The following FNBP1 variants were observed in gnomAD, a reference collection of about 807,000 sequenced individuals.
The protein encoded by FNBP1 is formin binding protein 1, also known as formin-binding protein 1.
In FNBP1, 26 loss-of-function variants were observed where a neutral mutation model predicts 90.6. The observed-to-expected ratio is 0.29, with a 90% CI of 0.21 to 0.40. The LOEUF is 0.40. FNBP1 is among the 10% of genes least tolerant of loss of function. FNBP1 has a pLI of 1.00. For missense variants in FNBP1, 635 were observed against 768.0 expected (o/e 0.83, Z 2.05); for synonymous variants, 260 against 265.2 (o/e 0.98, Z 0.19).
Position 129,966,732 on chromosome 9 carries a change from AAACAACAACAACAAC to A in FNBP1, c.346-8194_346-8180del, listed in dbSNP as rs550427768. 2.0e-5 allele frequency among the ~76,000 whole-genome samples: 3 copies of A among 151,248 alleles called. No individual in the cohort carries two copies. Among genetic ancestry groups the A allele is most frequent in the South Asian group, 4.2e-4 (2 of 4,770 alleles). ...TGGGTGATGGAGCGAGACTCCGTCT[AAACAACAACAACAAC>A]AACAACAACAACAACAAAAGAAAGG... On this transcript the variant is annotated intron_variant, in intron 4 of 16. Coordinates refer to ENST00000446176, the MANE Select transcript of FNBP1 (RefSeq NM_015033.3). This position sits in a 1 kb window ranked among gnomAD's most constrained non-coding sequence, Gnocchi z 4.3.
At chr9:129,924,878 G>C (rs554374697) in intron 9 of FNBP1, 82 bp downstream of exon 9, 4 of 1,188,608 alleles carry the variant, frequency 3.4e-6, no homozygotes, top group Non-Finnish European at 4.7e-6. Context: ...TACAGGTTTA[G>C]GATCTTAGTT....
intron 8 of FNBP1, 36 bp downstream of exon 8, chr9:129,927,159 A>G: frequency 6.2e-7 from 1 of 1,607,548 alleles, no homozygotes; most frequent in Middle Eastern, 1.7e-4. Context: ...TGGATCTGCA[A>G]ATAGTTATCA....
intron 12 of FNBP1, among the ~76,000 whole-genome samples, chr9:129,907,535 T>C (rs2038337130): frequency 6.6e-6 from 1 of 151,834 alleles, no homozygotes; most frequent in Admixed American, 6.6e-5. Context: ...TGGAATGCAG[T>C]GGTATACCTC....
intron 1 of FNBP1, among the ~76,000 whole-genome samples, chr9:130,035,801 C>A (rs945865238): frequency 1.3e-5 from 2 of 152,080 alleles, no homozygotes; most frequent in African/African-American, 4.8e-5. Context: ...ACAAAATTAG[C>A]CAGGCGTGGT....
At position 129,976,272 on chromosome 9, in the gene FNBP1, C is replaced by T. The variant is rs926828310; in HGVS notation, c.345+2193G>A. On this transcript the variant is annotated intron_variant, in intron 4 of 16. Coordinates refer to ENST00000446176, the MANE Select transcript of FNBP1 (RefSeq NM_015033.3). The stretch of plus-strand genomic sequence containing the variant: ...TATTGTAGGAGGCTTAGCTGCCTCC[C>T]TGGCCTCTTCTCTCTAGATACCAGT... 3.9e-5 allele frequency among the ~76,000 whole-genome samples: 6 copies of T among 152,146 alleles called. No individual in the cohort carries two copies. In the East Asian group the frequency reaches 5.8e-4, roughly 15 times the overall value.
intron 11 of FNBP1, among the ~76,000 whole-genome samples, chr9:129,910,504 A>AGAAAG (rs1554771988): frequency 9.6e-6 from 1 of 104,058 alleles, no homozygotes; most frequent in Non-Finnish European, 1.8e-5. Context: ...AAAAAAAAAA[A>AGAAAG]AGAGAGAGAG....
At chr9:129,928,247 G>A (rs2042206545) in intron 7 of FNBP1, among the ~76,000 whole-genome samples, 1 of 152,224 alleles carries the variant, frequency 6.6e-6, no homozygotes, top group Non-Finnish European at 1.5e-5. Flanking sequence ...AGAAAGAACT[G>A]TCATTTGTTT....
chr9:129,999,620 G>C (rs2054542208), intron 1 of FNBP1, among the ~76,000 whole-genome samples: 2 of 151,516 alleles, frequency 1.3e-5, no homozygotes, highest in East Asian at 1.9e-4. Context: ...AAATCATTGA[G>C]AATTCCGAAG....
intron 6 of FNBP1, among the ~76,000 whole-genome samples, chr9:129,943,171 G>C (rs2132385068): frequency 6.6e-6 from 1 of 152,074 alleles, no homozygotes; most frequent in African/African-American, 2.4e-5. Context: ...TATCCTTCAG[G>C]TTCAAGTCCT....
At chr9:129,941,215 C>T (rs1449034290) in intron 6 of FNBP1, among the ~76,000 whole-genome samples, 2 of 151,440 alleles carry the variant, frequency 1.3e-5, no homozygotes, top group Non-Finnish European at 2.9e-5. Context: ...ATGGTGAAAC[C>T]CTGCTTCTAC....
intron 6 of FNBP1, among the ~76,000 whole-genome samples, chr9:129,943,773 A>T (rs1352312179): frequency 6.6e-6 from 1 of 151,944 alleles, no homozygotes; most frequent in East Asian, 2.0e-4. Flanking sequence ...TGGGAGGATC[A>T]CGAGGTCAGG....
chr9:130,005,584 G>C (rs547140166), intron 1 of FNBP1, among the ~76,000 whole-genome samples: 1 of 152,128 alleles, frequency 6.6e-6, no homozygotes, highest in East Asian at 1.9e-4. Context: ...CTTGTGATCT[G>C]CCCACCTCAG....
At chr9:130,036,305 G>C (rs1453602947) in intron 1 of FNBP1, among the ~76,000 whole-genome samples, 1 of 152,196 alleles carries the variant, frequency 6.6e-6, no homozygotes, top group African/African-American at 2.4e-5. Flanking sequence ...TAGCTGCTTA[G>C]TGGGTGATAC....
chr9:129,898,632 G>A (rs2036247781), intron 15 of FNBP1, among the ~76,000 whole-genome samples: 1 of 152,128 alleles, frequency 6.6e-6, no homozygotes. Context: ...TGGAATTACA[G>A]GCATGCGCTA....
intron 15 of FNBP1, among the ~76,000 whole-genome samples, chr9:129,896,927 G>A (rs946695162): frequency 3.3e-5 from 5 of 152,162 alleles, no homozygotes; most frequent in Admixed American, 6.5e-5. Context: ...CACCACGCCC[G>A]GCCCAACTGC....
chr9:129,896,326 TC>T (rs1235549214), intron 15 of FNBP1, among the ~76,000 whole-genome samples: 2 of 152,114 alleles, frequency 1.3e-5, no homozygotes, highest in South Asian at 4.1e-4. Flanking sequence ...CTCACTTGGA[TC>T]TCTCTCAGGA....
At chr9:129,973,843 C>G (rs374983493) in intron 4 of FNBP1, among the ~76,000 whole-genome samples, 304 of 149,766 alleles carry the variant, frequency 2.0e-3, no homozygotes, top group African/African-American at 7.2e-3. Flanking sequence ...CAGGGTCTCA[C>G]TCTGTCACCC....
chr9:130,016,671 A>G (rs1364159053), intron 1 of FNBP1, among the ~76,000 whole-genome samples: 1 of 152,134 alleles, frequency 6.6e-6, no homozygotes. Flanking sequence ...TGAACCTGGG[A>G]GGAGGAGGTT....
chr9:130,012,930 C>T (rs938229682), intron 1 of FNBP1, among the ~76,000 whole-genome samples: 2 of 151,714 alleles, frequency 1.3e-5, no homozygotes, highest in Non-Finnish European at 2.9e-5. Flanking sequence ...TGAGCCACCA[C>T]GCCCAGCCAG....
Sources: allele counts gnomAD v4.1 joint callset (sites outside exome capture counted in the v4.1 genomes callset), GRCh38; gene constraint gnomAD v4.1.1; non-coding constraint Gnocchi (gnomAD v3.1); transcripts MANE v1.5; gene names NCBI Gene and HGNC (gene_info 2026-07-23, HGNC 2026-07-21).